SLC66A2: variants seen among roughly 807,000 people sequenced by gnomAD.
SLC66A2 encodes PQ loop repeat containing 1.
In SLC66A2, 23 loss-of-function variants were observed where a neutral mutation model predicts 25.5. That is an observed-to-expected ratio of 0.90 (90% CI 0.65 to 1.28). The LOEUF is 1.28. SLC66A2 is among the 50% of genes most tolerant of loss of function. The pLI, the probability that SLC66A2 is intolerant of heterozygous loss-of-function variation, is 0.00. For synonymous variants in SLC66A2, 193 were observed against 166.5 expected (o/e 1.16, Z -1.23); for missense variants, 396 against 373.1 (o/e 1.06, Z -0.51).
In SLC66A2 at chr18:79,933,950, G is replaced by A. The variant is rs1428595692; in HGVS notation, c.391+19C>T. 1 of 1,606,932 alleles carries A rather than the reference G, an allele frequency of 6.2e-7. No individual in the cohort carries two copies. The highest frequency in any genetic ancestry group is 1.1e-5 in the South Asian group (1 of 89,486). ...GCAAAAGGAACGTGCTGCGGACAGTGCACGCGCAGGGTACATACCCAGGAA... is the reference window on the plus strand; with the variant it reads ...GCAAAAGGAACGTGCTGCGGACAGTACACGCGCAGGGTACATACCCAGGAA... On this transcript the variant is annotated intron_variant, in intron 4 of 5. Transcript: ENST00000397778.
chr18:79,924,553 A>G (rs1306474815), intron 4 of SLC66A2, among the ~76,000 whole-genome samples: 2 of 152,180 alleles, frequency 1.3e-5, no homozygotes, highest in Non-Finnish European at 2.9e-5. Context: ...CGAACTGTGC[A>G]CTTTTAAATG....
chr18:79,909,925 A>C (rs1397586143), intron 5 of SLC66A2, among the ~76,000 whole-genome samples: 29 of 28,044 alleles, frequency 1.0e-3, no homozygotes, highest in Non-Finnish European at 1.3e-3. Context: ...CTTCCCCACC[A>C]TCTCACCACA....
At chr18:79,911,112 G>A (rs4799106) in intron 5 of SLC66A2, among the ~76,000 whole-genome samples, 55,102 of 152,218 alleles carry the variant, frequency 0.36, 11,170 homozygotes, top group East Asian at 0.48. Context: ...GCCTGGAACA[G>A]CGTGGGCTGC....
At chr18:79,923,882 A>T (rs189186012) in intron 4 of SLC66A2, among the ~76,000 whole-genome samples, 244 of 152,070 alleles carry the variant, frequency 1.6e-3, no homozygotes, top group Non-Finnish European at 2.7e-3. Context: ...CAAAAAAAAT[A>T]AAAAATTAGC....
chr18:79,921,903 G>C (rs1447139555), intron 4 of SLC66A2, among the ~76,000 whole-genome samples: 2 of 140,518 alleles, frequency 1.4e-5, no homozygotes, highest in African/African-American at 2.6e-5. Context: ...AGAGGTCAAG[G>C]TCAGTGACAA....
At chr18:79,907,128 C>T (rs565927883) in intron 5 of SLC66A2, among the ~76,000 whole-genome samples, 1 of 152,312 alleles carries the variant, frequency 6.6e-6, no homozygotes, top group South Asian at 2.1e-4. Flanking sequence ...TTAATCTGAA[C>T]ATTGCTGTCC....
chr18:79,937,489 TAA>T lies in SLC66A2; in HGVS notation c.338-3469_338-3468del, dbSNP rs995844196. Among the ~76,000 whole-genome samples, 5 of 152,174 alleles carry T rather than the reference TAA, an allele frequency of 3.3e-5. No individual in the cohort carries two copies. Among genetic ancestry groups the T allele is most frequent in the Admixed American group, 1.3e-4 (2 of 15,284 alleles). On this transcript the variant is annotated intron_variant, in intron 3 of 5. Transcript: ENST00000397778. The surrounding 1 kb of genome is among the most constrained non-coding windows in gnomAD (Gnocchi z 5.4). Reference sequence around the variant, plus strand: ...CTAGGGAACCAACTTTGAAAACTGGTAAAGAGACCCGCATTTCCTTTATAAAT... The same window carrying T: ...CTAGGGAACCAACTTTGAAAACTGGTAGAGACCCGCATTTCCTTTATAAAT...
At chr18:79,944,426 C>T (rs566576331) in intron 2 of SLC66A2, 2 of 152,712 alleles carry the variant, frequency 1.3e-5, no homozygotes, top group African/African-American at 4.8e-5. Flanking sequence ...GCTCCCAGGC[C>T]TTCTTGCTGA....
rs372122062 is a variant in SLC66A2, at chr18:79,914,463, ACAG to A, written c.608+4718_608+4720del. ...CTGCCTCCAGATGGGGGGTGGTCTG[ACAG>A]CAGGAAGTGGGGGGTCACTCCAGCC... On this transcript the variant is annotated intron_variant, in intron 5 of 5. Coordinates refer to ENST00000397778, the MANE Select transcript of SLC66A2 (RefSeq NM_025078.5). Among the ~76,000 whole-genome samples the A allele has an allele frequency of 4.1e-4, 62 of 152,242 alleles. 1 individual carries two copies. The East Asian group carries it at 7.9e-3, about 20-fold the overall frequency.
intron 5 of SLC66A2, among the ~76,000 whole-genome samples, chr18:79,908,391 C>T (rs1375212709): frequency 6.6e-6 from 1 of 151,960 alleles, no homozygotes; most frequent in Non-Finnish European, 1.5e-5. Flanking sequence ...AAATGTGCCA[C>T]TTCCTTCTGA....
chr18:79,951,432 G>T, intron 1 of SLC66A2, 149 bp downstream of exon 1: 1 of 153,346 alleles, frequency 6.5e-6, no homozygotes, highest in Non-Finnish European at 1.4e-5. Context: ...CAGGATGGGG[G>T]CGCACGGCTC....
chr18:79,928,936 G>A (rs1986282114), intron 4 of SLC66A2, among the ~76,000 whole-genome samples: 1 of 152,160 alleles, frequency 6.6e-6, no homozygotes, highest in Admixed American at 6.5e-5. Flanking sequence ...CACTTCCCAT[G>A]CAGCACTCAG....
At chr18:79,951,157 A>C (rs2012689) in intron 1 of SLC66A2, 132 bp from the exon 2 acceptor site, 28,191 of 225,754 alleles carry the variant, frequency 0.12, 1,896 homozygotes, top group Middle Eastern at 0.22. Context: ...GCGCGCGAGG[A>C]GCGGCCCCTG....
chr18:79,940,147 G>A lies in SLC66A2; in HGVS notation c.337+3182C>T, dbSNP rs558667961. Among the ~76,000 whole-genome samples the A allele has an allele frequency of 8.7e-4, 132 of 152,228 alleles. 1 individual carries two copies. Among genetic ancestry groups the A allele is most frequent in the African/African-American group, 3.0e-3 (126 of 41,522 alleles). On this transcript the variant is annotated intron_variant, in intron 3 of 5. Coordinates refer to ENST00000397778, the MANE Select transcript of SLC66A2 (RefSeq NM_025078.5). The surrounding 1 kb of genome is among the most constrained non-coding windows in gnomAD (Gnocchi z 4.1). The stretch of plus-strand genomic sequence containing the variant: ...ACACGGGAACAGAAGACCAAATGCC[G>A]CATGTTCTCACGTGTAAGTGGGAGC...
chr18:79,903,865 G>T lies in SLC66A2; in HGVS notation c.*111C>A. ...GGCTGATGGAGACCCCAATGCCCAT[G>T]CCCCATCTCTGCCACACCTGCAGGG... On this transcript the variant is annotated 3_prime_UTR_variant, in exon 6 of 6. Coordinates refer to ENST00000397778, the MANE Select transcript of SLC66A2 (RefSeq NM_025078.5). 2 of 911,940 alleles carry T rather than the reference G, an allele frequency of 2.2e-6. No individual in the cohort carries two copies. Among genetic ancestry groups the T allele is most frequent in the Non-Finnish European group, 1.6e-6 (1 of 608,450 alleles). 56.5% of individuals were successfully genotyped at this position (911,940 alleles called of 1,614,324 possible). A position where few individuals can be genotyped will look rare whatever the true frequency, so the allele number is the denominator to read the frequency against.
intron 2 of SLC66A2, chr18:79,944,569 A>T (rs1040228808): frequency 6.6e-6 from 1 of 152,342 alleles, no homozygotes; most frequent in Non-Finnish European, 1.5e-5. Flanking sequence ...GCTGGGACAC[A>T]TGCCTGCAGA....
Position 79,928,906 on chromosome 18 carries a change from GA to G in SLC66A2, c.391+5062del, listed in dbSNP as rs1037935263. ...TTCCACACAAGCAGGGGCAAACTAAGAAGACCAGAGGCAACAACTCACTTCC... is the reference window on the plus strand; with the variant it reads ...TTCCACACAAGCAGGGGCAAACTAAGAGACCAGAGGCAACAACTCACTTCC... On this transcript the variant is annotated intron_variant, in intron 4 of 5. Coordinates refer to ENST00000397778, the MANE Select transcript of SLC66A2 (RefSeq NM_025078.5). 1.1e-3 allele frequency among the ~76,000 whole-genome samples: 172 copies of G among 152,232 alleles called. 1 individual carries two copies. Among genetic ancestry groups the G allele is most frequent in the African/African-American group, 3.2e-3 (134 of 41,534 alleles).
At chr18:79,948,982 T>C (rs2051024506) in intron 2 of SLC66A2, among the ~76,000 whole-genome samples, 3 of 152,228 alleles carry the variant, frequency 2.0e-5, no homozygotes, top group African/African-American at 7.2e-5. Flanking sequence ...AAGCAGGCGA[T>C]GGGAAAGAAA....
At chr18:79,933,939 C>T (rs1986820593) in intron 4 of SLC66A2, 30 bp downstream of exon 4, 8 of 1,598,418 alleles carry the variant, frequency 5.0e-6, no homozygotes, top group South Asian at 1.1e-5. Flanking sequence ...AAGGAACGTG[C>T]TGCGGACAGT....
Sources: allele counts gnomAD v4.1 joint callset (sites outside exome capture counted in the v4.1 genomes callset), GRCh38; gene constraint gnomAD v4.1.1; non-coding constraint Gnocchi (gnomAD v3.1); transcripts MANE v1.5; gene names NCBI Gene and HGNC (gene_info 2026-07-23, HGNC 2026-07-21).